The following CREBBP variants were observed in gnomAD, a reference collection of about 807,000 sequenced individuals.
The protein encoded by CREBBP is CREB-binding protein.
Under a neutral mutation model 265.0 loss-of-function variants are expected in CREBBP, and 19 were observed. The ratio of observed to expected loss-of-function variants is 0.07; its 90% CI spans 0.05 to 0.11. The LOEUF (loss-of-function observed/expected upper bound fraction) is 0.11. Ranked by LOEUF, CREBBP falls within the 10% of genes least tolerant of loss-of-function variation. CREBBP has a pLI of 1.00. For synonymous variants in CREBBP, 1,457 were observed against 1,223.7 expected (o/e 1.19, Z -3.98); for missense variants, 2,525 against 3,219.0 (o/e 0.78, Z 5.22).
Position 3,728,682 on chromosome 16 carries a change from T to G in CREBBP, c.6365A>C (p.Gln2122Pro). Residue 2122 changes from glutamine (Q) to proline (P), a missense_variant, in exon 31 of 31, where the codon CAG becomes CCG. Coordinates refer to ENST00000262367, the MANE Select transcript of CREBBP (RefSeq NM_004380.3). This position sits in a 1 kb window ranked among gnomAD's most constrained non-coding sequence, Gnocchi z 8.7. ...CTGGGGTTGCATGCCGGGCTGGGAC[T>G]GGAGGCCAGGCTGGGGCTGCATGCC... ...QPGMQPQPGL[Q>P]SQPGMQPQPG... The G allele has an allele frequency of 6.2e-7, 1 of 1,613,864 alleles. No individual in the cohort carries two copies.
At chr16:3,766,134 T>C (rs1220227245) in intron 16 of CREBBP, among the ~76,000 whole-genome samples, 1 of 152,062 alleles carries the variant, frequency 6.6e-6, no homozygotes, top group Non-Finnish European at 1.5e-5. Flanking sequence ...AAAAAAATCA[T>C]GCAAGCACAA....
At chr16:3,765,873 A>C (rs1367791985) in intron 16 of CREBBP, among the ~76,000 whole-genome samples, 1 of 151,974 alleles carries the variant, frequency 6.6e-6, no homozygotes, top group Non-Finnish European at 1.5e-5. Context: ...CGAACTCCTG[A>C]GCTCCAGGCT....
intron 28 of CREBBP, among the ~76,000 whole-genome samples, chr16:3,734,802 C>T (rs2052009001): frequency 6.6e-6 from 1 of 152,180 alleles, no homozygotes; most frequent in African/African-American, 2.4e-5. Flanking sequence ...CGGAAGCGGC[C>T]CAGGCCCCAC....
chr16:3,857,331 G>C (rs1331377711), intron 1 of CREBBP, among the ~76,000 whole-genome samples: 5 of 152,030 alleles, frequency 3.3e-5, no homozygotes, highest in Non-Finnish European at 5.9e-5. Flanking sequence ...TTCTTCTTCT[G>C]TAATTCACCA....
At chr16:3,849,740 C>T (rs1020289753) in intron 2 of CREBBP, among the ~76,000 whole-genome samples, 3 of 151,822 alleles carry the variant, frequency 2.0e-5, no homozygotes, top group African/African-American at 7.3e-5. Context: ...GTCTGCATTT[C>T]TAACAAGCTT....
Position 3,778,825 on chromosome 16 carries a change from G to C in CREBBP, c.1824-8C>G. ...GGGAAGATGGCTTGGACGCTGAAAG[G>C]ATAACACATCTATCAAACTACTTTT... On this transcript the variant is annotated splice_region_variant and splice_polypyrimidine_tract_variant and intron_variant, in intron 8 of 30. Coordinates refer to ENST00000262367, the MANE Select transcript of CREBBP (RefSeq NM_004380.3). The C allele has an allele frequency of 1.2e-6, 2 of 1,610,980 alleles. No homozygotes were observed. Among genetic ancestry groups the C allele is most frequent in the Non-Finnish European group, 1.7e-6 (2 of 1,177,312 alleles).
At chr16:3,790,843 C>T (rs961583407) in intron 5 of CREBBP, among the ~76,000 whole-genome samples, 8 of 152,142 alleles carry the variant, frequency 5.3e-5, no homozygotes, top group Admixed American at 1.3e-4. Flanking sequence ...AGGAAAACCA[C>T]GGGGGCTGTC....
intron 1 of CREBBP, among the ~76,000 whole-genome samples, chr16:3,860,256 C>G (rs1322104867): frequency 6.6e-6 from 1 of 152,190 alleles, no homozygotes; most frequent in Admixed American, 6.5e-5. Context: ...TACTATAGCC[C>G]TGACTACTCA....
At chr16:3,832,249 T>C (rs1372168032) in intron 2 of CREBBP, among the ~76,000 whole-genome samples, 1 of 152,156 alleles carries the variant, frequency 6.6e-6, no homozygotes, top group Non-Finnish European at 1.5e-5. Flanking sequence ...GTGAATTTTA[T>C]CAAACATTTA....
Position 3,850,786 on chromosome 16 carries a change from A to G in CREBBP, c.309T>C (p.Ala103=), listed in dbSNP as rs2054817407. The part of the protein sequence containing the change: ...SPVQQGLGGQ[A]QGQPNSANMA... ...TGTTAGCACTGTTCGGCTGCCCTTGAGCCTGGCCACCCAGGCCCTGCTGCA... is the reference window on the plus strand; with the variant it reads ...TGTTAGCACTGTTCGGCTGCCCTTGGGCCTGGCCACCCAGGCCCTGCTGCA... Residue 103 remains alanine (A), a synonymous_variant, in exon 2 of 31, where the codon GCT becomes GCC. Transcript: ENST00000262367. The G allele has an allele frequency of 6.2e-7, 1 of 1,614,128 alleles. No homozygotes were observed. The highest frequency in any genetic ancestry group is 8.5e-7 in the Non-Finnish European group (1 of 1,180,036).
intron 28 of CREBBP, among the ~76,000 whole-genome samples, chr16:3,734,629 T>C (rs969918018): frequency 6.6e-6 from 1 of 152,090 alleles, no homozygotes; most frequent in Non-Finnish European, 1.5e-5. Flanking sequence ...CGGGAGCAAG[T>C]CCGAAGACAA....
intron 2 of CREBBP, among the ~76,000 whole-genome samples, chr16:3,826,049 C>T (rs915948932): frequency 4.6e-5 from 7 of 152,218 alleles, no homozygotes; most frequent in Non-Finnish European, 1.5e-5. Context: ...TGGCAAATCT[C>T]CATCTCTACA....
chr16:3,851,066 C>A, intron 1 of CREBBP, 57 bp from the exon 2 acceptor site: 1 of 1,443,522 alleles, frequency 6.9e-7, no homozygotes, highest in Non-Finnish European at 9.7e-7. Context: ...AGCTCTCCAA[C>A]TGCCACGTTT....
At chr16:3,836,588 G>C (rs547804235) in intron 2 of CREBBP, among the ~76,000 whole-genome samples, 2 of 152,102 alleles carry the variant, frequency 1.3e-5, no homozygotes, top group Non-Finnish European at 2.9e-5. Context: ...CATGGGTAAA[G>C]GGTTTTGACA....
chr16:3,840,100 T>C, intron 2 of CREBBP, among the ~76,000 whole-genome samples: 1 of 152,360 alleles, frequency 6.6e-6, no homozygotes, highest in Middle Eastern at 3.4e-3. Context: ...CATAGTTTCA[T>C]TCTACAAACT....
In CREBBP at chr16:3,787,557, G is replaced by T. The variant is rs78441005; in HGVS notation, c.1330+4424C>A. Among the ~76,000 whole-genome samples the T allele has an allele frequency of 7.6e-3, 1,155 of 152,166 alleles. 13 individuals are homozygous for T. Among genetic ancestry groups the T allele is most frequent in the Middle Eastern group, 0.034 (10 of 292 alleles). ...AGGGCCTGCTCCACACACACTCACT[G>T]GGCACCTGATGGGCTATTCGATGAG... On this transcript the variant is annotated intron_variant, in intron 5 of 30. Coordinates refer to ENST00000262367, the MANE Select transcript of CREBBP (RefSeq NM_004380.3).
Position 3,769,133 on chromosome 16 carries a change from T to A in CREBBP, c.3060+41A>T, listed in dbSNP as rs76231065. On this transcript the variant is annotated intron_variant, in intron 15 of 30. Transcript: ENST00000262367. ...TCGCCCGAGGACACCTGGGTAAAGTTGCGATACGCAGTCAATGCATTCCTA... is the reference window on the plus strand; with the variant it reads ...TCGCCCGAGGACACCTGGGTAAAGTAGCGATACGCAGTCAATGCATTCCTA... 1.8e-3 allele frequency: 2,944 copies of A among 1,611,838 alleles called. 30 individuals are homozygous for A. In the African/African-American group the frequency reaches 0.03, roughly 16 times the overall value.
chr16:3,732,394 A>G (rs1159950576), intron 28 of CREBBP, among the ~76,000 whole-genome samples: 1 of 151,914 alleles, frequency 6.6e-6, no homozygotes, highest in Non-Finnish European at 1.5e-5. Flanking sequence ...AAGAGCAGGG[A>G]CTCTGAGGCC....
At chr16:3,866,699 C>G (rs190360207) in intron 1 of CREBBP, among the ~76,000 whole-genome samples, 9 of 152,068 alleles carry the variant, frequency 5.9e-5, no homozygotes, top group Admixed American at 2.6e-4. Flanking sequence ...AAAACAGCCC[C>G]CAAAACATCT....
Sources: gnomAD v4.1 joint callset for allele counts (sites outside exome capture counted in the v4.1 genomes callset) on GRCh38, gnomAD v4.1.1 for gene constraint, Gnocchi (gnomAD v3.1) non-coding constraint, MANE v1.5 for transcripts, NCBI Gene and HGNC (gene_info 2026-07-23, HGNC 2026-07-21) for gene names.